DCPH1: variants seen among roughly 807,000 people sequenced by gnomAD.
The protein encoded by DCPH1 is damage control phosphatase 1.
At chr6:151,469,938 A>C in the DCPH1 span, 2 of 152,240 alleles carry the variant, frequency 1.3e-5, no homozygotes. Context: ...GAGTACTACC[A>C]ACAATGAATG....
chr6:151,463,513 A>G, the DCPH1 span, among the ~76,000 whole-genome samples: 2 of 152,292 alleles, frequency 1.3e-5, no homozygotes, highest in East Asian at 1.9e-4. Context: ...GAAAATTCCT[A>G]AAGAGGAATT....
chr6:151,462,598 T>C, the DCPH1 span, among the ~76,000 whole-genome samples: 2 of 152,228 alleles, frequency 1.3e-5, no homozygotes, highest in African/African-American at 4.8e-5. Flanking sequence ...TTTGAGTACT[T>C]TTCAGTTTGG....
At chr6:151,461,749 G>A in the DCPH1 span, among the ~76,000 whole-genome samples, 3 of 152,280 alleles carry the variant, frequency 2.0e-5, no homozygotes, top group East Asian at 5.8e-4. Context: ...GTGGGGCCTG[G>A]GTATCAGTTT....
chr6:151,467,838 T>C, the DCPH1 span, among the ~76,000 whole-genome samples: 1 of 152,232 alleles, frequency 6.6e-6, no homozygotes, highest in Non-Finnish European at 1.5e-5. Flanking sequence ...TCTTTAGATA[T>C]CACTTTGTTC....
the DCPH1 span, chr6:151,469,862 C>T: frequency 2.0e-5 from 3 of 152,076 alleles, no homozygotes; most frequent in East Asian, 5.8e-4. Flanking sequence ...TTTTAAATAT[C>T]AGATTTTTAG....
the DCPH1 span, among the ~76,000 whole-genome samples, chr6:151,461,752 A>G: frequency 6.6e-6 from 1 of 152,218 alleles, no homozygotes; most frequent in Non-Finnish European, 1.5e-5. Context: ...GGGCCTGGGT[A>G]TCAGTTTTTC....
the DCPH1 span, chr6:151,464,770 G>A: frequency 1.8e-6 from 1 of 555,486 alleles, no homozygotes; most frequent in African/African-American, 2.0e-5. Context: ...TTAATTGCTA[G>A]AAATGGGTTT....
the DCPH1 span, chr6:151,452,830 G>C: frequency 8.6e-6 from 4 of 464,012 alleles, no homozygotes; most frequent in South Asian, 1.1e-4. Flanking sequence ...TCAGCTTCGC[G>C]GTCTGTTCCT....
chr6:151,464,410 T>C, the DCPH1 span: 1 of 1,442,770 alleles, frequency 6.9e-7, no homozygotes. Context: ...GTTATCCAAA[T>C]GTACAAACTA....
chr6:151,466,748 C>T, the DCPH1 span, among the ~76,000 whole-genome samples: 3 of 152,102 alleles, frequency 2.0e-5, no homozygotes, highest in African/African-American at 7.2e-5. Flanking sequence ...AGTAATTGCA[C>T]AAAGAGCTAT....
the DCPH1 span, among the ~76,000 whole-genome samples, chr6:151,455,054 G>C: frequency 6.6e-6 from 1 of 152,178 alleles, no homozygotes; most frequent in East Asian, 1.9e-4. Context: ...GGAAGTTCAA[G>C]CTGCTATGCA....
the DCPH1 span, among the ~76,000 whole-genome samples, chr6:151,462,663 T>C: frequency 6.6e-6 from 1 of 152,252 alleles, no homozygotes; most frequent in African/African-American, 2.4e-5. Context: ...GCTGAACATA[T>C]GTATGAATAC....
chr6:151,455,393 C>T, the DCPH1 span, among the ~76,000 whole-genome samples: 14 of 152,172 alleles, frequency 9.2e-5, no homozygotes, highest in African/African-American at 2.2e-4. Flanking sequence ...ATTGATCATT[C>T]GTGGGTGTTT....
At chr6:151,458,269 C>T in the DCPH1 span, 1 of 1,546,848 alleles carries the variant, frequency 6.5e-7, no homozygotes, top group Non-Finnish European at 8.7e-7. Flanking sequence ...ATATGTTACC[C>T]TAGAGGAATT....
the DCPH1 span, among the ~76,000 whole-genome samples, chr6:151,461,650 G>A: frequency 6.6e-6 from 1 of 152,140 alleles, no homozygotes; most frequent in Non-Finnish European, 1.5e-5. Context: ...CAGCCTGGGC[G>A]ACAAGAGCGA....
chr6:151,460,656 C>T, the DCPH1 span, among the ~76,000 whole-genome samples: 3 of 151,700 alleles, frequency 2.0e-5, no homozygotes, highest in Non-Finnish European at 2.9e-5. Flanking sequence ...CGGTGGTGCG[C>T]ACCTGTAGTC....
chr6:151,467,891 G>A, the DCPH1 span, among the ~76,000 whole-genome samples: 1 of 152,116 alleles, frequency 6.6e-6, no homozygotes, highest in African/African-American at 2.4e-5. Context: ...ATCCCAGAGA[G>A]GTGTCACGTC....
chr6:151,458,736 A>T, the DCPH1 span, among the ~76,000 whole-genome samples: 1 of 152,336 alleles, frequency 6.6e-6, no homozygotes, highest in South Asian at 2.1e-4. Context: ...TTACTGATGG[A>T]CATTTCTACA....
the DCPH1 span, chr6:151,468,837 C>G: frequency 6.2e-7 from 1 of 1,614,216 alleles, no homozygotes. Context: ...TTGCACCTGA[C>G]TTATATGCTG....
Sources: gnomAD v4.1 joint callset for allele counts (sites outside exome capture counted in the v4.1 genomes callset) on GRCh38, gnomAD v4.1.1 for gene constraint, MANE v1.5 for transcripts, NCBI Gene and HGNC (gene_info 2026-07-23, HGNC 2026-07-21) for gene names.